Variants in ANKRD35 observed in about 807,000 individuals in gnomAD.
ANKRD35 encodes the protein ankyrin repeat domain-containing protein 35.
A neutral mutation model predicts 109.9 loss-of-function variants in ANKRD35; 102 were observed. The observed-to-expected ratio is 0.93, with a 90% CI of 0.79 to 1.09. The LOEUF (loss-of-function observed/expected upper bound fraction) is 1.09, where lower values mean the gene tolerates loss of function less well. ANKRD35 is among the 50% of genes least tolerant of loss of function. The probability of loss-of-function intolerance (pLI) is 0.00; values close to 1 mark genes in which losing one functional copy is unlikely to be tolerated. For missense variants in ANKRD35, 1,240 were observed against 1,230.1 expected (o/e 1.01, Z -0.12); for synonymous variants, 515 against 512.4 (o/e 1.01, Z -0.07).
Position 145,878,497 on chromosome 1 carries a change from GA to G in ANKRD35, c.171-19del, listed in dbSNP as rs1553740558. 6.4e-7 allele frequency: 1 copy of G among 1,557,392 alleles called. No homozygotes were observed. Among genetic ancestry groups the G allele is most frequent in the Non-Finnish European group, 8.7e-7 (1 of 1,149,132 alleles). On this transcript the variant is annotated intron_variant, in intron 2 of 13. Coordinates refer to ENST00000355594, the MANE Select transcript of ANKRD35 (RefSeq NM_144698.5). ...GATGAAACCTGCCAGAATCAAGGCC[GA>G]GAGGCCAAAGGATAAAGGGACCAGG...
chr1:145,870,470 G>A (rs1272971535), intron 10 of ANKRD35, among the ~76,000 whole-genome samples: 1 of 152,054 alleles, frequency 6.6e-6, no homozygotes, highest in Admixed American at 6.6e-5. Flanking sequence ...TTATAGATAA[G>A]AAAACTGAGG....
At chr1:145,871,858 G>T in intron 10 of ANKRD35, 124 bp downstream of exon 10, 2 of 1,249,240 alleles carry the variant, frequency 1.6e-6, no homozygotes, top group Admixed American at 4.4e-5. Flanking sequence ...CAAAGGACTG[G>T]TGCTCCGTTT....
Position 145,873,251 on chromosome 1 carries a change from C to G in ANKRD35, c.1518G>C (p.Lys506Asn). 1 of 1,614,164 alleles carries G rather than the reference C, an allele frequency of 6.2e-7. No homozygotes were observed. Among genetic ancestry groups the G allele is most frequent in the East Asian group, 2.2e-5 (1 of 44,884 alleles). ...REELAAVWRE[K>N]DAARGALSRP... ...TTGACAAAGCCCCCCGGGCAGCATC[C>G]TTTTCTCGCCACACTGCAGCAAGCT... is the stretch of plus-strand genomic sequence containing the variant. Residue 506 changes from lysine to asparagine, a missense_variant, in exon 10 of 14, where the codon AAG becomes AAC. Coordinates refer to ENST00000355594, the MANE Select transcript of ANKRD35 (RefSeq NM_144698.5).
At chr1:145,870,005 G>A (rs1404816297) in intron 10 of ANKRD35, among the ~76,000 whole-genome samples, 3 of 152,102 alleles carry the variant, frequency 2.0e-5, no homozygotes, top group Admixed American at 6.5e-5. Context: ...GCAGTTAATG[G>A]TAACTAGCAG....
At chr1:145,883,628 A>C (rs1654376120) in intron 1 of ANKRD35, among the ~76,000 whole-genome samples, 1 of 152,168 alleles carries the variant, frequency 6.6e-6, no homozygotes, top group Non-Finnish European at 1.5e-5. Context: ...CTGGCCCTGG[A>C]CCCAAATGTG....
At chr1:145,877,873 T>C in intron 4 of ANKRD35, 95 bp downstream of exon 4, 1 of 1,254,692 alleles carries the variant, frequency 8.0e-7, no homozygotes, top group Non-Finnish European at 1.2e-6. Flanking sequence ...GCGAGTACAT[T>C]TGGCCAACTA....
rs781810038 is a variant in ANKRD35 at position 145,873,900 on chromosome 1, T to A, written c.869A>T (p.Asp290Val). Residue 290 changes from aspartate (D) to valine (V), a missense_variant, in exon 10 of 14, where the codon GAT (aspartate) becomes GTT (valine). Physicochemically the swap from Asp to Val is radical, Grantham distance 152 (BLOSUM62 -3). Transcript: ENST00000355594. Reference protein sequence around the residue: ...EPEEEQEEKEDEDPCSEEWRW... With the variant: ...EPEEEQEEKEVEDPCSEEWRW... ...CCACTCCTCCGAGCACGGGTCTTCATCCTCCTTCTCCTCTTGCTCCTCTTC... is the reference window on the plus strand; with the variant it reads ...CCACTCCTCCGAGCACGGGTCTTCAACCTCCTTCTCCTCTTGCTCCTCTTC... 4 of 1,614,086 alleles carry A rather than the reference T, an allele frequency of 2.5e-6. No homozygotes were observed. The highest frequency in any genetic ancestry group is 3.4e-6 in the Non-Finnish European group (4 of 1,180,034).
chr1:145,873,400 C>A lies in ANKRD35; in HGVS notation c.1369G>T (p.Ala457Ser). 4.3e-6 allele frequency: 7 copies of A among 1,614,170 alleles called. No individual in the cohort carries two copies. Among genetic ancestry groups the A allele is most frequent in the Non-Finnish European group, 5.9e-6 (7 of 1,180,028 alleles). Reference sequence around the variant, plus strand: ...TTCTGACCAGCAGGCAGCTGGTCAGCATGATCAGGGCCAAAGGTCTGTGCC... The same window carrying A: ...TTCTGACCAGCAGGCAGCTGGTCAGAATGATCAGGGCCAAAGGTCTGTGCC... ...NGAQTFGPDH[A>S]DQLPAGQKES... Residue 457 changes from alanine (A) to serine (S), a missense_variant, in exon 10 of 14, where the codon GCT becomes TCT. Coordinates refer to ENST00000355594, the MANE Select transcript of ANKRD35 (RefSeq NM_144698.5).
At chr1:145,879,465 A>G in intron 1 of ANKRD35, 77 bp from the exon 2 acceptor site, 1 of 1,349,546 alleles carries the variant, frequency 7.4e-7, no homozygotes, top group Non-Finnish European at 9.7e-7. Context: ...AATGGTTAGG[A>G]TGCCAAATGA....
At chr1:145,885,654 CTA>C in intron 1 of ANKRD35, 64 bp downstream of exon 1, 1 of 1,550,458 alleles carries the variant, frequency 6.4e-7, no homozygotes, top group Non-Finnish European at 8.9e-7. Context: ...TGAGACGGGA[CTA>C]AAGACTTCTG....
At chr1:145,868,434 C>A (rs1653685794) in intron 10 of ANKRD35, 34 bp from the exon 11 acceptor site, 3 of 1,595,126 alleles carry the variant, frequency 1.9e-6, no homozygotes, top group Non-Finnish European at 2.6e-6. Context: ...ACCAATGAGG[C>A]TCCAAGTCAT....
rs781990283 is a variant in ANKRD35 at position 145,879,262 on chromosome 1, A to C, written c.166T>G (p.Ser56Ala). ...GGGGCAGGAGGACTGACTTACGGGG[A>C]CTGGCCATTCGAGTCAAGCTTGGTG... is the stretch of plus-strand genomic sequence containing the variant. The part of the protein sequence containing the change: ...RPTKLDSNGQ[S>A]PFHLAASKGL... The change falls in exon 2 of 14, where the codon TCC (serine) becomes GCC (alanine). Residue 56 changes from serine (S) to alanine (A), a missense_variant. Coordinates refer to ENST00000355594, the MANE Select transcript of ANKRD35 (RefSeq NM_144698.5). The C allele has an allele frequency of 8.7e-6, 14 of 1,605,760 alleles. No homozygotes were observed. Among genetic ancestry groups the C allele is most frequent in the Non-Finnish European group, 1.1e-5 (13 of 1,176,342 alleles).
intron 11 of ANKRD35, 111 bp downstream of exon 11, chr1:145,868,200 C>A: frequency 6.7e-7 from 1 of 1,482,616 alleles, no homozygotes. Context: ...AGCCAGGCCT[C>A]TGTAATTCCT....
intron 4 of ANKRD35, 70 bp from the exon 5 acceptor site, chr1:145,876,943 G>T: frequency 6.5e-7 from 1 of 1,532,446 alleles, no homozygotes; most frequent in Non-Finnish European, 9.0e-7. Flanking sequence ...CCCCCATTGG[G>T]TCACCAATTT....
chr1:145,878,347 CA>C, intron 3 of ANKRD35, 43 bp downstream of exon 3: 3 of 1,539,882 alleles, frequency 1.9e-6, no homozygotes, highest in Non-Finnish European at 2.6e-6. Flanking sequence ...GCTGCTGTAC[CA>C]GGGGCAAGCA....
At chr1:145,878,783 AG>A (rs1654182887) in intron 2 of ANKRD35, among the ~76,000 whole-genome samples, 1 of 152,198 alleles carries the variant, frequency 6.6e-6, no homozygotes, top group African/African-American at 2.4e-5. Flanking sequence ...CGGAAGTGGA[AG>A]TGTCACAGAA....
chr1:145,879,292 G>A lies in ANKRD35; in HGVS notation c.136C>T (p.Arg46Ter), dbSNP rs587593514. 2.4e-5 allele frequency: 39 copies of A among 1,611,194 alleles called. No individual in the cohort carries two copies. Among genetic ancestry groups the A allele is most frequent in the Admixed American group, 2.3e-4 (14 of 59,714 alleles). ...VAALASRKSARPTKLDSNGQS... is the reference protein window; with the variant it reads ...VAALASRKSA The stretch of plus-strand genomic sequence containing the variant: ...CCATTCGAGTCAAGCTTGGTGGGTC[G>A]GGCAGATTTCCTGGAGGCCAGGGCA... Residue 46 changes from arginine to a stop codon, truncating the protein, a stop_gained, in exon 2 of 14, where the codon CGA becomes TGA. Transcript: ENST00000355594. LOFTEE classifies it high-confidence loss of function.
At chr1:145,879,503 C>T (rs1477989093) in intron 1 of ANKRD35, 115 bp from the exon 2 acceptor site, 2 of 1,200,514 alleles carry the variant, frequency 1.7e-6, no homozygotes, top group East Asian at 2.9e-5. Flanking sequence ...TTTTTCTCTT[C>T]CACAAGTCAC....
At chr1:145,867,175 C>T in intron 13 of ANKRD35, 112 bp downstream of exon 13, 1 of 689,900 alleles carries the variant, frequency 1.4e-6, no homozygotes, top group Non-Finnish European at 2.6e-6. Context: ...CCCCAAAAGG[C>T]TCCCCATTGT....
Sources: gnomAD v4.1 joint callset for allele counts (sites outside exome capture counted in the v4.1 genomes callset) on GRCh38, gnomAD v4.1.1 for gene constraint, MANE v1.5 for transcripts, NCBI Gene and HGNC (gene_info 2026-07-23, HGNC 2026-07-21) for gene names.